Variants in LAMC1 observed in about 807,000 individuals in gnomAD.
The protein encoded by LAMC1 is laminin subunit gamma-1.
LAMC1 carries 38 observed loss-of-function variants against 173.6 expected under a neutral mutation model. The ratio of observed to expected loss-of-function variants is 0.22; its 90% CI spans 0.17 to 0.29. The LOEUF is 0.29. Ranked by LOEUF, LAMC1 falls within the 10% of genes least tolerant of loss-of-function variation. The pLI is 1.00. For missense variants in LAMC1, 1,824 were observed against 2,051.8 expected (o/e 0.89, Z 2.14); for synonymous variants, 746 against 749.1 (o/e 1.00, Z 0.07).
At chr1:183,116,745 AT>A (rs764364884) in intron 7 of LAMC1, 21 bp from the exon 8 acceptor site, 19 of 1,613,110 alleles carry the variant, frequency 1.2e-5, no homozygotes, top group Non-Finnish European at 1.6e-5. Flanking sequence ...AAAGTAACTG[AT>A]TGTGTCTTAA....
intron 3 of LAMC1, 31 bp from the exon 4 acceptor site, chr1:183,110,457 C>T (rs1306373365): frequency 1.3e-6 from 2 of 1,563,498 alleles, no homozygotes; most frequent in Non-Finnish European, 1.7e-6. Flanking sequence ...TGCAGCTGTT[C>T]CATTTTTTGG....
chr1:183,121,746 A>G lies in LAMC1; in HGVS notation c.2014A>G (p.Thr672Ala). 1 of 1,614,002 alleles carries G rather than the reference A, an allele frequency of 6.2e-7. No individual in the cohort carries two copies. The highest frequency in any genetic ancestry group is 1.1e-5 in the South Asian group (1 of 91,058). ...ERSAGYLDDV[T>A]LASARPGPGV... ...AGGTGCTGGATATTTGGATGATGTCACCCTGGCAAGTGCTCGTCCTGGGCC... is the reference window on the plus strand; with the variant it reads ...AGGTGCTGGATATTTGGATGATGTCGCCCTGGCAAGTGCTCGTCCTGGGCC... The change falls in exon 12 of 28, where the codon ACC (threonine) becomes GCC (alanine). Residue 672 changes from threonine (T) to alanine (A), a missense_variant. Thr to Ala is a moderately conservative substitution (Grantham distance 58). Transcript: ENST00000258341.
At chr1:183,059,262 T>C (rs1318192217) in intron 1 of LAMC1, among the ~76,000 whole-genome samples, 1 of 152,214 alleles carries the variant, frequency 6.6e-6, no homozygotes, top group Non-Finnish European at 1.5e-5. Flanking sequence ...AGCTTCCTGG[T>C]TTGAGAGATG....
At chr1:183,067,777 A>C (rs1318892859) in intron 1 of LAMC1, among the ~76,000 whole-genome samples, 1 of 152,168 alleles carries the variant, frequency 6.6e-6, no homozygotes, top group Non-Finnish European at 1.5e-5. Context: ...GATGTGAGCC[A>C]CCACGCCTGG....
At chr1:183,127,470 T>G in intron 17 of LAMC1, 66 bp downstream of exon 17, 1 of 1,422,228 alleles carries the variant, frequency 7.0e-7, no homozygotes, top group Non-Finnish European at 9.9e-7. Context: ...TACTGTGCAC[T>G]AATCTCTATA....
At chr1:183,141,845 A>G (rs953716597) in intron 27 of LAMC1, among the ~76,000 whole-genome samples, 3 of 152,250 alleles carry the variant, frequency 2.0e-5, no homozygotes, top group Non-Finnish European at 4.4e-5. Flanking sequence ...ACATCTGAGA[A>G]TCACTGATGT....
rs1177655469 is a variant in LAMC1 at position 183,142,898 on chromosome 1, CT to C, written c.*109del. On this transcript the variant is annotated 3_prime_UTR_variant, in exon 28 of 28. Transcript: ENST00000258341. Reference sequence around the variant, plus strand: ...TTTTCAGACCCCCACTCCTCTGCTGCTGTCCATGACTGTCCTTTTGAACCAG... The same window carrying C: ...TTTTCAGACCCCCACTCCTCTGCTGCGTCCATGACTGTCCTTTTGAACCAG... The C allele has an allele frequency of 1.8e-6, 2 of 1,123,380 alleles. 1 individual carries two copies. Among genetic ancestry groups the C allele is most frequent in the Admixed American group, 5.1e-5 (2 of 39,298 alleles). The allele number at this position is 1,123,380 out of a possible 1,614,324, so 69.6% of individuals were successfully genotyped here. A position where few individuals can be genotyped will look rare whatever the true frequency, so the allele number is the denominator to read the frequency against.
intron 1 of LAMC1, among the ~76,000 whole-genome samples, chr1:183,031,600 G>A (rs984495747): frequency 5.9e-5 from 9 of 152,104 alleles, no homozygotes; most frequent in Admixed American, 2.0e-4. Context: ...CACCACACCC[G>A]GCCCTGCTTC....
intron 16 of LAMC1, 136 bp downstream of exon 16, chr1:183,126,398 C>T: frequency 2.6e-6 from 2 of 783,516 alleles, no homozygotes; most frequent in Non-Finnish European, 4.1e-6. Context: ...ATCGTAGATG[C>T]TTTATTTGAA....
chr1:183,081,508 A>G (rs1655275140), intron 1 of LAMC1, among the ~76,000 whole-genome samples: 1 of 151,714 alleles, frequency 6.6e-6, no homozygotes, highest in Non-Finnish European at 1.5e-5. Context: ...AGATTGTGCC[A>G]CTACACTCCA....
At chr1:183,132,901 A>T (rs1656836092) in intron 21 of LAMC1, among the ~76,000 whole-genome samples, 1 of 151,872 alleles carries the variant, frequency 6.6e-6, no homozygotes, top group Non-Finnish European at 1.5e-5. Flanking sequence ...ATTATAGAAA[A>T]TTTTTTCTTT....
chr1:183,105,841 C>CT (rs1655965505), intron 2 of LAMC1, among the ~76,000 whole-genome samples: 1 of 152,208 alleles, frequency 6.6e-6, no homozygotes, highest in South Asian at 2.1e-4. Context: ...CTAAACCTCC[C>CT]TGCAGAAGCT....
chr1:183,079,757 T>C (rs1655220113), intron 1 of LAMC1, among the ~76,000 whole-genome samples: 1 of 152,244 alleles, frequency 6.6e-6, no homozygotes, highest in South Asian at 2.1e-4. Flanking sequence ...CAGCATTTAA[T>C]GGACTGATAA....
chr1:183,125,380 C>T lies in LAMC1; in HGVS notation c.2648-17C>T. On this transcript the variant is annotated splice_polypyrimidine_tract_variant and intron_variant, in intron 14 of 27. Transcript: ENST00000258341. ...AGGTGATTTGTGTCTTTTGCCATCT[C>T]TGTCTTCCTGCCTTAGCCTGCAATT... 6.2e-7 allele frequency: 1 copy of T among 1,613,380 alleles called. No homozygotes were observed. The highest frequency in any genetic ancestry group is 8.5e-7 in the Non-Finnish European group (1 of 1,179,348).
At chr1:183,031,594 A>G (rs1238827800) in intron 1 of LAMC1, among the ~76,000 whole-genome samples, 1 of 152,146 alleles carries the variant, frequency 6.6e-6, no homozygotes, top group Non-Finnish European at 1.5e-5. Context: ...ATGAGCCACC[A>G]CACCCGGCCC....
chr1:183,039,417 T>C (rs538774211), intron 1 of LAMC1, among the ~76,000 whole-genome samples: 1 of 152,284 alleles, frequency 6.6e-6, no homozygotes, highest in South Asian at 2.1e-4. Context: ...AGTTTTGAAT[T>C]TGTGGTATTT....
At chr1:183,044,183 A>AT (rs1304989306) in intron 1 of LAMC1, among the ~76,000 whole-genome samples, 1 of 151,796 alleles carries the variant, frequency 6.6e-6, no homozygotes, top group Admixed American at 6.6e-5. Context: ...TTTCTTTTTT[A>AT]TTTTTTTAAA....
Position 183,106,351 on chromosome 1 carries a change from G to A in LAMC1, c.724-1925G>A, listed in dbSNP as rs540095658. On this transcript the variant is annotated intron_variant, in intron 2 of 27. Transcript: ENST00000258341. ...AAAAGATTCCTACTGTTGTGGCCAT[G>A]AGTAGGAGTTGTTATTGGAGTTCCA... 8.2e-4 allele frequency among the ~76,000 whole-genome samples: 125 copies of A among 152,386 alleles called. 1 individual carries two copies. Among genetic ancestry groups the A allele is most frequent in the Middle Eastern group, 6.8e-3 (2 of 294 alleles).
At chr1:183,098,279 T>C (rs188717790) in intron 1 of LAMC1, among the ~76,000 whole-genome samples, 2 of 152,300 alleles carry the variant, frequency 1.3e-5, no homozygotes, top group African/African-American at 4.8e-5. Context: ...TTTAACAGAA[T>C]AAAAAGCTCC....
Sources: allele counts gnomAD v4.1 joint callset (sites outside exome capture counted in the v4.1 genomes callset), GRCh38; gene constraint gnomAD v4.1.1; transcripts MANE v1.5; gene names NCBI Gene and HGNC (gene_info 2026-07-23, HGNC 2026-07-21).